Variants in MTRF1 observed in about 807,000 individuals in gnomAD.
The protein encoded by MTRF1 is peptide chain release factor 1, mitochondrial.
In MTRF1, 51 loss-of-function variants were observed where a neutral mutation model predicts 62.9. That is an observed-to-expected ratio of 0.81 (90% CI 0.65 to 1.02). MTRF1 has a LOEUF of 1.02. Ranked by LOEUF, MTRF1 falls within the 50% of genes least tolerant of loss-of-function variation. MTRF1 has a pLI of 0.00. For synonymous variants in MTRF1, 158 were observed against 181.9 expected (o/e 0.87, Z 1.06); for missense variants, 446 against 530.0 (o/e 0.84, Z 1.56).
At chr13:41,258,405 G>T (rs533664152) in intron 2 of MTRF1, among the ~76,000 whole-genome samples, 2 of 151,722 alleles carry the variant, frequency 1.3e-5, no homozygotes, top group African/African-American at 4.8e-5. Flanking sequence ...AAAAATTTTC[G>T]AAAATTTTCA....
At chr13:41,242,241 A>G (rs1435021751) in intron 5 of MTRF1, among the ~76,000 whole-genome samples, 3 of 152,228 alleles carry the variant, frequency 2.0e-5, no homozygotes, top group African/African-American at 7.2e-5. Flanking sequence ...GCACGTTTAA[A>G]TCAAGCACAA....
chr13:41,288,941 G>A, the MTRF1 span, among the ~76,000 whole-genome samples: 2 of 152,136 alleles, frequency 1.3e-5, no homozygotes, highest in Non-Finnish European at 2.9e-5. Flanking sequence ...AAGATAGGGA[G>A]CATAGTGGCC....
At chr13:41,280,244 T>A in the MTRF1 span, among the ~76,000 whole-genome samples, 2 of 152,174 alleles carry the variant, frequency 1.3e-5, no homozygotes. Context: ...CCACAATCCT[T>A]TATCTTAACC....
upstream of MTRF1, among the ~76,000 whole-genome samples, chr13:41,265,329 G>T (rs1044388072): frequency 3.3e-5 from 5 of 151,700 alleles, no homozygotes; most frequent in Admixed American, 2.0e-4. Context: ...GCTGAGGCAG[G>T]AGAATCGCTT....
chr13:41,230,723 T>C (rs1372802577), intron 7 of MTRF1, among the ~76,000 whole-genome samples: 1 of 123,740 alleles, frequency 8.1e-6, no homozygotes, highest in African/African-American at 2.6e-5. Context: ...CAAGATGGTT[T>C]CCCTTTTTTT....
At chr13:41,244,627 G>T (rs2037996486) in intron 5 of MTRF1, among the ~76,000 whole-genome samples, 1 of 152,202 alleles carries the variant, frequency 6.6e-6, no homozygotes, top group African/African-American at 2.4e-5. Flanking sequence ...TCCGAGGTTA[G>T]ATTATAAAGA....
At chr13:41,263,371 G>C in intron 1 of MTRF1, 114 bp downstream of exon 1, 1 of 1,157,256 alleles carries the variant, frequency 8.6e-7, no homozygotes, top group Non-Finnish European at 1.2e-6. Flanking sequence ...AGAAGCGACA[G>C]CCCGCGGGGC....
At chr13:41,267,797 T>C (rs896050297), upstream of MTRF1, among the ~76,000 whole-genome samples, 1 of 151,562 alleles carries the variant, frequency 6.6e-6, no homozygotes, top group Non-Finnish European at 1.5e-5. Context: ...GCCTGGGAGG[T>C]CAAGGTTGTA....
intron 3 of MTRF1, among the ~76,000 whole-genome samples, chr13:41,253,946 T>A (rs1309297778): frequency 1.3e-5 from 2 of 152,180 alleles, no homozygotes; most frequent in Non-Finnish European, 2.9e-5. Flanking sequence ...GTGTTCTTCA[T>A]TGTCTTTGTA....
chr13:41,253,513 C>A (rs982521133), intron 3 of MTRF1, among the ~76,000 whole-genome samples: 1 of 152,158 alleles, frequency 6.6e-6, no homozygotes, highest in Non-Finnish European at 1.5e-5. Context: ...ATGTTGAGGG[C>A]TCCCAAGATA....
intron 7 of MTRF1, among the ~76,000 whole-genome samples, chr13:41,226,923 C>T (rs2034532632): frequency 6.6e-6 from 1 of 152,194 alleles, no homozygotes; most frequent in African/African-American, 2.4e-5. Context: ...CTGCTCCATT[C>T]TCTGTCCAAC....
At chr13:41,221,849 A>C (rs2138670017) in intron 9 of MTRF1, among the ~76,000 whole-genome samples, 1 of 152,334 alleles carries the variant, frequency 6.6e-6, no homozygotes, top group African/African-American at 2.4e-5. Context: ...AACTGAAAGA[A>C]CATAGTGTAA....
the MTRF1 span, among the ~76,000 whole-genome samples, chr13:41,304,383 T>A: frequency 6.6e-6 from 1 of 152,172 alleles, no homozygotes; most frequent in Non-Finnish European, 1.5e-5. Flanking sequence ...CAAGTGATGC[T>A]CTTGTCTCAG....
intron 5 of MTRF1, chr13:41,252,346 G>T: frequency 5.2e-6 from 1 of 192,660 alleles, no homozygotes; most frequent in Non-Finnish European, 1.0e-5. Flanking sequence ...ATATACCTTT[G>T]CTTTCAATAA....
intron 9 of MTRF1, among the ~76,000 whole-genome samples, chr13:41,220,324 G>GA (rs1249229258): frequency 0.016 from 509 of 32,560 alleles, 5 homozygotes; most frequent in East Asian, 0.052. Flanking sequence ...ATCTGTCTCG[G>GA]AAAAAAAAAA....
the MTRF1 span, among the ~76,000 whole-genome samples, chr13:41,291,236 G>A: frequency 2.6e-5 from 4 of 152,096 alleles, no homozygotes; most frequent in Admixed American, 6.5e-5. Flanking sequence ...GGAGTGCAAT[G>A]TCATGATTAC....
intron 5 of MTRF1, 113 bp downstream of exon 5, chr13:41,252,532 A>T: frequency 1.4e-6 from 1 of 706,920 alleles, no homozygotes; most frequent in Non-Finnish European, 2.4e-6. Flanking sequence ...CACAGTGTTT[A>T]GTAGATATAC....
the MTRF1 span, among the ~76,000 whole-genome samples, chr13:41,273,274 C>T: frequency 8.0e-5 from 12 of 150,758 alleles, no homozygotes; most frequent in South Asian, 6.3e-4. Context: ...TGCAGTGAGC[C>T]GAGATCGCGC....
intron 6 of MTRF1, among the ~76,000 whole-genome samples, chr13:41,237,718 T>C (rs1469559286): frequency 6.6e-6 from 1 of 152,116 alleles, no homozygotes; most frequent in Non-Finnish European, 1.5e-5. Flanking sequence ...AGGCTGGTCT[T>C]GAACTCCTGA....
Sources: allele counts gnomAD v4.1 joint callset (sites outside exome capture counted in the v4.1 genomes callset), GRCh38; gene constraint gnomAD v4.1.1; transcripts MANE v1.5; gene names NCBI Gene and HGNC (gene_info 2026-07-23, HGNC 2026-07-21).